Variants in MSRA observed in about 807,000 individuals in gnomAD.
The protein encoded by MSRA is mitochondrial peptide methionine sulfoxide reductase.
MSRA carries 54 observed loss-of-function variants against 31.3 expected under a neutral mutation model. The ratio of observed to expected loss-of-function variants is 1.73; its 90% confidence interval spans 1.39 to 2.17. MSRA has a LOEUF of 2.17. MSRA is among the 30% of genes most tolerant of loss of function. The probability of loss-of-function intolerance (pLI) is 0.00; values close to 1 mark genes in which losing one functional copy is unlikely to be tolerated. For missense variants in MSRA, 507 were observed against 300.9 expected (o/e 1.69, Z -5.07); for synonymous variants, 169 against 116.5 (o/e 1.45, Z -2.90).
At chr8:10,325,126 C>G (rs1450727241) in intron 5 of MSRA, among the ~76,000 whole-genome samples, 1 of 152,100 alleles carries the variant, frequency 6.6e-6, no homozygotes, top group African/African-American at 2.4e-5. Context: ...TCCACTGTCT[C>G]CAAAGGGTCC....
At chr8:10,149,226 A>G (rs1251623488) in intron 1 of MSRA, among the ~76,000 whole-genome samples, 3 of 151,788 alleles carry the variant, frequency 2.0e-5, no homozygotes, top group Non-Finnish European at 4.4e-5. Context: ...GGTTCAAGCA[A>G]TTCTCCTGCC....
chr8:10,258,963 C>T (rs574973536), intron 3 of MSRA, among the ~76,000 whole-genome samples: 9 of 152,128 alleles, frequency 5.9e-5, no homozygotes, highest in African/African-American at 9.6e-5. Flanking sequence ...AAAAACTAGC[C>T]GGGTGTGGTG....
chr8:10,054,611 G>C lies in MSRA; in HGVS notation c.95G>C (p.Ser32Thr). ...GGCAACTCGGCCTCGAACATCGTCAGCCCCCAGGAGGCCTTGCCGGGCCGG... is the reference window on the plus strand; with the variant it reads ...GGCAACTCGGCCTCGAACATCGTCACCCCCCAGGAGGCCTTGCCGGGCCGG... Reference protein sequence around the residue: ...RMGNSASNIVSPQEALPGRKE... With the variant: ...RMGNSASNIVTPQEALPGRKE... The change falls in exon 1 of 6, where the codon AGC (serine) becomes ACC (threonine). Residue 32 changes from serine (S) to threonine (T), a missense_variant. By Grantham distance (58) the Ser-to-Thr change is moderately conservative. Coordinates refer to ENST00000317173, the MANE Select transcript of MSRA (RefSeq NM_012331.5). 5 of 1,578,720 alleles carry C rather than the reference G, an allele frequency of 3.2e-6. No homozygotes were observed. In the South Asian group the frequency reaches 5.7e-5, roughly 18 times the overall value.
At chr8:10,344,793 G>A (rs556939484) in intron 5 of MSRA, among the ~76,000 whole-genome samples, 3 of 152,126 alleles carry the variant, frequency 2.0e-5, no homozygotes, top group Non-Finnish European at 4.4e-5. Flanking sequence ...AAGACCTCAG[G>A]TTCACTCTTG....
intron 5 of MSRA, among the ~76,000 whole-genome samples, chr8:10,351,836 G>C (rs1257899740): frequency 2.6e-5 from 4 of 152,172 alleles, no homozygotes; most frequent in Non-Finnish European, 4.4e-5. Context: ...GATGAACCCA[G>C]ACTGCTTTTC....
chr8:10,329,624 C>G (rs922406003), intron 5 of MSRA, among the ~76,000 whole-genome samples: 3 of 152,200 alleles, frequency 2.0e-5, no homozygotes, highest in Non-Finnish European at 2.9e-5. Flanking sequence ...CAGATGACCA[C>G]AGGCCCCATA....
intron 1 of MSRA, among the ~76,000 whole-genome samples, chr8:10,139,895 T>C (rs1802562538): frequency 6.6e-6 from 1 of 152,246 alleles, no homozygotes. Flanking sequence ...GTGTGTAAAG[T>C]GCCCATATTT....
intron 1 of MSRA, among the ~76,000 whole-genome samples, chr8:10,104,351 G>C (rs1799735973): frequency 6.6e-6 from 1 of 152,174 alleles, no homozygotes; most frequent in South Asian, 2.1e-4. Context: ...ATGCATCTGT[G>C]ACACAGCCTC....
intron 1 of MSRA, among the ~76,000 whole-genome samples, chr8:10,195,979 G>T (rs1807937124): frequency 6.6e-6 from 1 of 152,202 alleles, no homozygotes. Context: ...GGAACAGATT[G>T]GAAGGGGAGG....
intron 1 of MSRA, among the ~76,000 whole-genome samples, chr8:10,084,894 G>A (rs996199587): frequency 0.082 from 54 of 656 alleles, no homozygotes; most frequent in African/African-American, 0.18. Flanking sequence ...TAGGCTTTGC[G>A]AATTAACATT....
chr8:10,414,135 C>G (rs945389564), intron 5 of MSRA, among the ~76,000 whole-genome samples: 2 of 152,004 alleles, frequency 1.3e-5, no homozygotes, highest in Non-Finnish European at 2.9e-5. Context: ...CCACTGCACT[C>G]CAGCCTGGGT....
At chr8:10,058,373 A>G (rs1396216903) in intron 1 of MSRA, among the ~76,000 whole-genome samples, 1 of 152,250 alleles carries the variant, frequency 6.6e-6, no homozygotes, top group Non-Finnish European at 1.5e-5. Context: ...AGATAATTTG[A>G]AGAATGTTAG....
intron 3 of MSRA, among the ~76,000 whole-genome samples, chr8:10,264,972 A>C (rs981470443): frequency 6.6e-6 from 1 of 152,158 alleles, no homozygotes; most frequent in African/African-American, 2.4e-5. Flanking sequence ...GCTGGGGTAC[A>C]GCTGGGGTCT....
At chr8:10,394,254 T>G (rs1012130789) in intron 5 of MSRA, among the ~76,000 whole-genome samples, 1 of 152,224 alleles carries the variant, frequency 6.6e-6, no homozygotes, top group African/African-American at 2.4e-5. Context: ...TCTGTACTTT[T>G]GGCAGCCAGA....
intron 4 of MSRA, among the ~76,000 whole-genome samples, chr8:10,313,981 G>C (rs910076922): frequency 6.6e-6 from 1 of 152,136 alleles, no homozygotes; most frequent in South Asian, 2.1e-4. Flanking sequence ...TTGGATTTCT[G>C]CCTCACACCA....
At chr8:10,265,975 T>C (rs1450940005) in intron 3 of MSRA, among the ~76,000 whole-genome samples, 3 of 152,212 alleles carry the variant, frequency 2.0e-5, no homozygotes, top group Non-Finnish European at 4.4e-5. Context: ...CTTGTATGGA[T>C]GAAGCATCCT....
chr8:10,318,714 T>C (rs6601434), intron 4 of MSRA, among the ~76,000 whole-genome samples: 149,421 of 152,280 alleles, frequency 0.98, 73,374 homozygotes, highest in East Asian at 1. Flanking sequence ...TTCCTAGCCG[T>C]TCCTGGATGT....
chr8:10,328,014 C>T (rs1802467986), intron 5 of MSRA, among the ~76,000 whole-genome samples: 1 of 143,088 alleles, frequency 7.0e-6, no homozygotes, highest in Admixed American at 7.0e-5. Context: ...GTTTGAATAC[C>T]ATCTCTATGG....
chr8:10,215,508 G>A (rs1312530157), intron 2 of MSRA, among the ~76,000 whole-genome samples: 2 of 152,210 alleles, frequency 1.3e-5, no homozygotes, highest in Non-Finnish European at 2.9e-5. Flanking sequence ...CCGGGAGAGT[G>A]ACGCCAACAT....
Sources: gnomAD v4.1 joint callset for allele counts (sites outside exome capture counted in the v4.1 genomes callset) on GRCh38, gnomAD v4.1.1 for gene constraint, MANE v1.5 for transcripts, NCBI Gene and HGNC (gene_info 2026-07-23, HGNC 2026-07-21) for gene names.